The following MAK variants were observed in gnomAD, a reference collection of about 807,000 sequenced individuals.
MAK encodes the protein serine/threonine-protein kinase MAK.
MAK carries 65 observed loss-of-function variants against 82.6 expected under a neutral mutation model. That is an observed-to-expected ratio of 0.79 (90% confidence interval 0.64 to 0.97). MAK has a LOEUF of 0.97. Ranked by LOEUF, MAK falls within the 50% of genes least tolerant of loss-of-function variation. The probability of loss-of-function intolerance (pLI) is 0.00; values close to 1 mark genes in which losing one functional copy is unlikely to be tolerated. For synonymous variants in MAK, 250 were observed against 274.2 expected, an observed-to-expected ratio of 0.91 and a Z score of 0.87; for missense variants, 703 against 780.2, an observed-to-expected ratio of 0.90 and a Z score of 1.18.
At chr6:10,818,138 C>T (rs1777636359) in intron 3 of MAK, among the ~76,000 whole-genome samples, 167 bp from the exon 4 acceptor site, 1 of 152,112 alleles carries the variant, frequency 6.6e-6, no homozygotes, top group African/African-American at 2.4e-5. Flanking sequence ...AAGTAATGAA[C>T]GTTAAGTGCA....
At chr6:10,812,259 T>C (rs1041036549) in intron 5 of MAK, among the ~76,000 whole-genome samples, 1 of 152,138 alleles carries the variant, frequency 6.6e-6, no homozygotes, top group African/African-American at 2.4e-5. Context: ...GGGAAACTAA[T>C]GGTGATTTTC....
chr6:10,832,132 C>T (rs539644621), intron 1 of MAK, among the ~76,000 whole-genome samples: 1 of 152,236 alleles, frequency 6.6e-6, no homozygotes, highest in Non-Finnish European at 1.5e-5. Flanking sequence ...ATTACAGGTG[C>T]GCACCACCAC....
chr6:10,785,041 T>C, intron 10 of MAK: 3 of 442,340 alleles, frequency 6.8e-6, no homozygotes, highest in South Asian at 4.8e-5. Context: ...GTCACCCTAG[T>C]GTCAGGCACA....
Position 10,775,372 on chromosome 6 carries a change from A to C in MAK, c.1553T>G (p.Leu518Arg). ...AGCAAGTTCTGCCCCAACGGGTCCC[A>C]GTGACTTGGGGAATAACTGGTTGCT... ...TWSNQLFPKS[L>R]GPVGAELAFK... Residue 518 changes from leucine (L) to arginine (R), a missense_variant, in exon 12 of 15, where the codon CTG becomes CGG. Coordinates refer to ENST00000354489, the MANE Select transcript of MAK (RefSeq NM_001242957.3). The C allele has an allele frequency of 6.2e-7, 1 of 1,613,964 alleles. No homozygotes were observed. Among genetic ancestry groups the C allele is most frequent in the Non-Finnish European group, 8.5e-7 (1 of 1,179,856 alleles).
At chr6:10,816,966 TAAA>T (rs1410003496) in intron 4 of MAK, among the ~76,000 whole-genome samples, 9 of 152,260 alleles carry the variant, frequency 5.9e-5, no homozygotes, top group African/African-American at 1.4e-4. Flanking sequence ...TCTGAAAAAG[TAAA>T]AACTGATTTG....
chr6:10,816,398 G>T (rs1333098331), intron 4 of MAK, among the ~76,000 whole-genome samples: 2 of 150,772 alleles, frequency 1.3e-5, no homozygotes, highest in African/African-American at 4.8e-5. Context: ...AAAAATAGAT[G>T]AAAATTTAAT....
chr6:10,815,399 G>A (rs1274540210), intron 4 of MAK, among the ~76,000 whole-genome samples: 1 of 152,154 alleles, frequency 6.6e-6, no homozygotes, highest in African/African-American at 2.4e-5. Flanking sequence ...AAGGCAGGTG[G>A]ATCCCTTGAG....
intron 6 of MAK, among the ~76,000 whole-genome samples, chr6:10,807,926 G>A (rs1309882279): frequency 6.6e-6 from 1 of 151,930 alleles, no homozygotes; most frequent in Non-Finnish European, 1.5e-5. Flanking sequence ...AAATTAGCTG[G>A]GCATGGTGAT....
At position 10,818,894 on chromosome 6, in the gene MAK, C is replaced by A; in HGVS notation, c.148G>T (p.Glu50Ter). 6.3e-7 allele frequency: 1 copy of A among 1,581,958 alleles called. No individual in the cohort carries two copies. The highest frequency in any genetic ancestry group is 8.7e-7 in the Non-Finnish European group (1 of 1,151,500). ...YSWDECMNLR[E>*]VKSLKKLNHA... The stretch of plus-strand genomic sequence containing the variant: ...CATCTTTAGGATTTTACCTTAACTT[C>A]TCTCAAGTTCATGCATTCATCCCAA... Residue 50 changes from glutamate to a stop codon, truncating the protein, a stop_gained, in exon 3 of 15, where the codon GAA becomes TAA. Transcript: ENST00000354489. LOFTEE classifies it high-confidence loss of function.
intron 7 of MAK, 115 bp downstream of exon 7, chr6:10,803,605 A>G (rs1475615502): frequency 1.2e-6 from 1 of 827,728 alleles, no homozygotes; most frequent in East Asian, 2.7e-5. Context: ...TTTCAAAATG[A>G]AAATATCAGA....
Position 10,808,941 on chromosome 6 carries a change from G to A in MAK, c.360C>T (p.Gly120=). The A allele has an allele frequency of 6.2e-7, 1 of 1,612,396 alleles. No homozygotes were observed. Among genetic ancestry groups the A allele is most frequent in the African/African-American group, 1.3e-5 (1 of 74,866 alleles). The change falls in exon 6 of 15, where the codon GGC becomes GGT. Residue 120 remains glycine (G), a splice_region_variant and synonymous_variant. Transcript: ENST00000354489. ...LQGLAFIHKH[G]FFHRDMKPEN... ...CTGGTTTCATGTCCCTATGAAAAAA[G>A]CCTTGATGATATACGGAGAAAAAAA...
At chr6:10,797,721 C>A in intron 8 of MAK, 1 of 1,167,826 alleles carries the variant, frequency 8.6e-7, no homozygotes, top group Non-Finnish European at 1.1e-6. Context: ...TAGGTGGGAA[C>A]ATAGCCCTGA....
intron 6 of MAK, among the ~76,000 whole-genome samples, chr6:10,807,346 T>C (rs867162060): frequency 0.019 from 2,698 of 142,270 alleles, 86 homozygotes; most frequent in African/African-American, 0.067. Flanking sequence ...CTTTTTTTTT[T>C]TTTTTTTTTT....
chr6:10,815,925 T>TAA (rs1777452652), intron 4 of MAK, among the ~76,000 whole-genome samples: 1 of 36,832 alleles, frequency 2.7e-5, no homozygotes, highest in African/African-American at 6.4e-5. Flanking sequence ...TATATATATA[T>TAA]ATATATATAT....
At chr6:10,816,668 C>T (rs1370068010) in intron 4 of MAK, among the ~76,000 whole-genome samples, 3 of 152,146 alleles carry the variant, frequency 2.0e-5, no homozygotes, top group Admixed American at 2.0e-4. Flanking sequence ...TTTTCACTTA[C>T]AAGCGTTTTC....
chr6:10,809,187 A>T (rs1776730981), intron 5 of MAK, among the ~76,000 whole-genome samples: 1 of 152,106 alleles, frequency 6.6e-6, no homozygotes, highest in Non-Finnish European at 1.5e-5. Context: ...CCCATTTAAC[A>T]TTTATTTTTA....
At chr6:10,792,904 G>A (rs150828070) in intron 9 of MAK, among the ~76,000 whole-genome samples, 40 of 152,272 alleles carry the variant, frequency 2.6e-4, no homozygotes, top group African/African-American at 7.2e-4. Flanking sequence ...GATGAGTAGG[G>A]TTAATAAAAG....
At chr6:10,771,805 C>T (rs547316675) in intron 13 of MAK, among the ~76,000 whole-genome samples, 7 of 152,332 alleles carry the variant, frequency 4.6e-5, no homozygotes, top group African/African-American at 1.7e-4. Context: ...GTTCAGCTGC[C>T]TACTTTAACC....
At chr6:10,815,960 T>A (rs200529436) in intron 4 of MAK, among the ~76,000 whole-genome samples, 5 of 126,828 alleles carry the variant, frequency 3.9e-5, no homozygotes, top group Non-Finnish European at 6.4e-5. Flanking sequence ...ATGTTTTCTT[T>A]TTTGTTTGAG....
Sources: gnomAD v4.1 joint callset for allele counts (sites outside exome capture counted in the v4.1 genomes callset) on GRCh38, gnomAD v4.1.1 for gene constraint, MANE v1.5 for transcripts, NCBI Gene and HGNC (gene_info 2026-07-23, HGNC 2026-07-21) for gene names.